Variants in TENM4 observed in about 807,000 individuals in gnomAD.
TENM4 encodes teneurin-4.
Under a neutral mutation model 243.3 loss-of-function variants are expected in TENM4, and 82 were observed. That is an observed-to-expected ratio of 0.34 (90% CI 0.28 to 0.40). TENM4 has a LOEUF of 0.40. Ranked by LOEUF, TENM4 falls within the 10% of genes least tolerant of loss-of-function variation. The pLI is 1.00. For missense variants in TENM4, 3,138 were observed against 3,673.3 expected, an observed-to-expected ratio of 0.85 and a Z score of 3.77; for synonymous variants, 1,412 against 1,456.3, an observed-to-expected ratio of 0.97 and a Z score of 0.69.
chr11:79,226,966 C>T (rs1273942942), intron 2 of TENM4, among the ~76,000 whole-genome samples: 11 of 152,318 alleles, frequency 7.2e-5, no homozygotes, highest in African/African-American at 2.2e-4. Context: ...CCCAGATCCA[C>T]TCCCCACACT....
At chr11:79,350,751 T>G (rs930057265) in intron 1 of TENM4, among the ~76,000 whole-genome samples, 1 of 152,024 alleles carries the variant, frequency 6.6e-6, no homozygotes, top group African/African-American at 2.4e-5. Flanking sequence ...TGTCACAGTC[T>G]TCTAACTTCT....
chr11:78,949,745 G>A (rs930593740), intron 6 of TENM4, among the ~76,000 whole-genome samples: 12 of 152,134 alleles, frequency 7.9e-5, no homozygotes, highest in African/African-American at 2.9e-4. Context: ...GCAGCATTAG[G>A]TTTCAGCAAT....
chr11:79,065,236 G>A (rs1860214521), intron 5 of TENM4, among the ~76,000 whole-genome samples: 1 of 152,062 alleles, frequency 6.6e-6, no homozygotes, highest in Admixed American at 6.5e-5. Flanking sequence ...AACTCAAATG[G>A]CACCTGCTCT....
intron 4 of TENM4, among the ~76,000 whole-genome samples, chr11:79,088,731 A>G (rs1316002245): frequency 6.6e-6 from 1 of 152,184 alleles, no homozygotes. Flanking sequence ...ACACTATTGC[A>G]TTAAGACGAA....
At chr11:79,068,256 A>G (rs938234490) in intron 5 of TENM4, 1 of 152,244 alleles carries the variant, frequency 6.6e-6, no homozygotes, top group Non-Finnish European at 1.5e-5. Flanking sequence ...TATAGTTCTC[A>G]TCAATCCTCA....
At chr11:79,231,606 C>G (rs766532751) in intron 2 of TENM4, among the ~76,000 whole-genome samples, 3 of 152,172 alleles carry the variant, frequency 2.0e-5, no homozygotes, top group Non-Finnish European at 4.4e-5. Flanking sequence ...AACATCTCTG[C>G]GCTTCTGATG....
chr11:78,962,693 G>A (rs921315654), intron 6 of TENM4, among the ~76,000 whole-genome samples: 2 of 152,246 alleles, frequency 1.3e-5, no homozygotes, highest in African/African-American at 4.8e-5. Flanking sequence ...TCAAACAGCT[G>A]CCCCTCTCTG....
At chr11:78,696,981 A>G (rs559346358) in intron 28 of TENM4, among the ~76,000 whole-genome samples, 5 of 152,270 alleles carry the variant, frequency 3.3e-5, no homozygotes. Flanking sequence ...TCCTGATGGA[A>G]GATGAGGTGA....
At chr11:78,736,145 C>T (rs1855786931) in intron 20 of TENM4, among the ~76,000 whole-genome samples, 1 of 151,896 alleles carries the variant, frequency 6.6e-6, no homozygotes, top group Non-Finnish European at 1.5e-5. Context: ...TTGATAGAGA[C>T]ATGGTTTTGC....
chr11:79,002,003 C>T (rs1308414602), intron 6 of TENM4, among the ~76,000 whole-genome samples: 1 of 152,186 alleles, frequency 6.6e-6, no homozygotes, highest in Admixed American at 6.5e-5. Flanking sequence ...TTTTCTGGTG[C>T]ATCCAGGGTG....
chr11:78,677,117 G>A (rs1858497983), intron 29 of TENM4, among the ~76,000 whole-genome samples: 1 of 152,168 alleles, frequency 6.6e-6, no homozygotes, highest in South Asian at 2.1e-4. Context: ...TGTTTTTAAA[G>A]AGTAAATCTT....
chr11:78,766,426 C>A (rs1020632908), intron 18 of TENM4, among the ~76,000 whole-genome samples: 3 of 152,152 alleles, frequency 2.0e-5, no homozygotes, highest in Non-Finnish European at 4.4e-5. Context: ...TAATAAGGGG[C>A]TTCTCAAAGC....
intron 6 of TENM4, among the ~76,000 whole-genome samples, chr11:79,062,724 T>C (rs1050034935): frequency 6.6e-6 from 1 of 152,150 alleles, no homozygotes; most frequent in African/African-American, 2.4e-5. Context: ...AAGGATGCAA[T>C]TTACCCCATG....
rs189885709 is a variant in TENM4 at position 79,362,092 on chromosome 11, G to A, written c.-320-64549C>T. On this transcript the variant is annotated intron_variant, in intron 1 of 33. Coordinates refer to ENST00000278550, the MANE Select transcript of TENM4 (RefSeq NM_001098816.3). Reference sequence around the variant, plus strand: ...GTTAGGAAAAAGGGTTGTTCCAATTGAGAGATGAAGAAATAGAGACCAAGA... The same window carrying A: ...GTTAGGAAAAAGGGTTGTTCCAATTAAGAGATGAAGAAATAGAGACCAAGA... Among the ~76,000 whole-genome samples, 4 of 152,296 alleles carry A rather than the reference G, an allele frequency of 2.6e-5. No individual in the cohort carries two copies. In the East Asian group the frequency reaches 7.7e-4, roughly 29 times the overall value.
chr11:79,113,746 C>G (rs1209591710), intron 4 of TENM4, among the ~76,000 whole-genome samples: 4 of 152,146 alleles, frequency 2.6e-5, no homozygotes, highest in African/African-American at 9.7e-5. Flanking sequence ...TGCTCTGTCT[C>G]TGGATTCCTA....
intron 1 of TENM4, among the ~76,000 whole-genome samples, chr11:79,362,867 T>TA (rs1420021042): frequency 6.6e-6 from 1 of 152,236 alleles, no homozygotes; most frequent in Non-Finnish European, 1.5e-5. Context: ...CAATGAGCTT[T>TA]AACCGTTATT....
rs570278088 is a variant in TENM4, at chr11:78,714,638, T to C, written c.3822-1924A>G. ...AGAGAAGGTATGAGCTCCCTGCCCC[T>C]GCACAAATCCCAGCTTTCTGCTGTG... On this transcript the variant is annotated intron_variant, in intron 25 of 33. Coordinates refer to ENST00000278550, the MANE Select transcript of TENM4 (RefSeq NM_001098816.3). Among the ~76,000 whole-genome samples, 6 of 152,310 alleles carry C rather than the reference T, an allele frequency of 3.9e-5. No individual in the cohort carries two copies. The South Asian group carries it at 8.3e-4, about 21-fold the overall frequency.
intron 1 of TENM4, among the ~76,000 whole-genome samples, chr11:79,303,788 T>A (rs1480481613): frequency 6.6e-6 from 1 of 152,186 alleles, no homozygotes; most frequent in Non-Finnish European, 1.5e-5. Context: ...TAATCATGAT[T>A]TATTTTTATT....
At chr11:78,997,503 T>G (rs985017879) in intron 6 of TENM4, among the ~76,000 whole-genome samples, 10 of 152,196 alleles carry the variant, frequency 6.6e-5, no homozygotes, top group Non-Finnish European at 1.5e-4. Context: ...TAGTTATAAT[T>G]CAGGAGCTAC....
Sources: gnomAD v4.1 joint callset for allele counts (sites outside exome capture counted in the v4.1 genomes callset) on GRCh38, gnomAD v4.1.1 for gene constraint, MANE v1.5 for transcripts, NCBI Gene and HGNC (gene_info 2026-07-23, HGNC 2026-07-21) for gene names.